Variants in APBB2 observed in about 807,000 individuals in gnomAD.
APBB2 encodes the protein Fe65-like 1.
A neutral mutation model predicts 82.5 loss-of-function variants in APBB2; 38 were observed. The ratio of observed to expected loss-of-function variants is 0.46; its 90% CI spans 0.36 to 0.60. The LOEUF is 0.60. Ranked by LOEUF, APBB2 falls within the 20% of genes least tolerant of loss-of-function variation. The pLI is 0.00. For missense variants in APBB2, 772 were observed against 972.3 expected, an observed-to-expected ratio of 0.79 and a Z score of 2.74; for synonymous variants, 341 against 368.2, an observed-to-expected ratio of 0.93 and a Z score of 0.85.
chr4:41,089,778 A>T (rs1396112), intron 3 of APBB2, among the ~76,000 whole-genome samples: 44,654 of 152,034 alleles, frequency 0.29, 7,325 homozygotes, highest in African/African-American at 0.44. Flanking sequence ...TTAAGAGATA[A>T]TACTGCAGGG....
intron 2 of APBB2, among the ~76,000 whole-genome samples, chr4:41,113,216 T>A (rs1318924161): frequency 6.6e-6 from 1 of 152,222 alleles, no homozygotes; most frequent in African/African-American, 2.4e-5. Context: ...TCTGAATTTA[T>A]ATGGACTTCC....
Position 41,066,093 on chromosome 4 carries a change from A to T in APBB2, c.-148-420T>A, listed in dbSNP as rs183708376. ...AACTTTAAAAGCTTGAAATGAGGAA[A>T]TTTTTTTTTCTGTATTGGAGAGGTT... On this transcript the variant is annotated intron_variant, in intron 3 of 17. Transcript: ENST00000508593. Among the ~76,000 whole-genome samples the T allele has an allele frequency of 1.2e-4, 13 of 108,620 alleles. No individual in the cohort carries two copies. In the South Asian group the frequency reaches 2.9e-3, roughly 24 times the overall value. 71.3% of individuals were successfully genotyped at this position (108,620 alleles called of 152,430 possible).
intron 2 of APBB2, among the ~76,000 whole-genome samples, chr4:41,133,783 C>A (rs970967332): frequency 6.6e-6 from 1 of 152,152 alleles, no homozygotes; most frequent in African/African-American, 2.4e-5. Flanking sequence ...AGCTCCCAAA[C>A]AAGGAGTGCA....
intron 10 of APBB2, among the ~76,000 whole-genome samples, chr4:40,921,975 G>A (rs528241375): frequency 9.3e-4 from 141 of 152,298 alleles, no homozygotes; most frequent in African/African-American, 3.3e-3. Flanking sequence ...GGATCGAAAG[G>A]GACACATATC....
rs186708148 is a variant in APBB2, at chr4:40,936,764, G to A, written c.1045-1625C>T. On this transcript the variant is annotated intron_variant, in intron 7 of 17. Coordinates refer to ENST00000508593, the MANE Select transcript of APBB2 (RefSeq NM_004307.2). ...TTAATGAATAAAGGGCAGGAATGTT[G>A]CCCAATCCCTTACCTTTCCCCTCAC... Among the ~76,000 whole-genome samples the A allele has an allele frequency of 2.1e-3, 315 of 152,224 alleles. 4 individuals are homozygous for A. Among genetic ancestry groups the A allele is most frequent in the Non-Finnish European group, 1.2e-3 (81 of 68,014 alleles).
intron 5 of APBB2, among the ~76,000 whole-genome samples, chr4:41,030,819 C>T (rs1279207556): frequency 6.6e-6 from 1 of 152,054 alleles, no homozygotes; most frequent in African/African-American, 2.4e-5. Flanking sequence ...TAACAGGATC[C>T]TTAAAATAGG....
intron 2 of APBB2, among the ~76,000 whole-genome samples, chr4:41,102,898 C>T (rs945688323): frequency 2.0e-5 from 3 of 152,204 alleles, no homozygotes; most frequent in African/African-American, 7.2e-5. Flanking sequence ...TAATGTGTCA[C>T]TGATAGTTTT....
chr4:40,973,978 AG>A (rs1263332566), intron 6 of APBB2, among the ~76,000 whole-genome samples: 2 of 151,354 alleles, frequency 1.3e-5, no homozygotes, highest in Admixed American at 6.6e-5. Context: ...CAGCCTTCCG[AG>A]TAGCTGGGAT....
chr4:41,115,073 T>C (rs1045872132), intron 2 of APBB2, among the ~76,000 whole-genome samples: 2 of 152,140 alleles, frequency 1.3e-5, no homozygotes, highest in Non-Finnish European at 2.9e-5. Flanking sequence ...CTTCAAACTA[T>C]ACTACAAGGC....
chr4:40,889,953 G>A (rs983834727), intron 12 of APBB2, among the ~76,000 whole-genome samples: 5 of 152,256 alleles, frequency 3.3e-5, no homozygotes, highest in Admixed American at 1.3e-4. Context: ...CCTCAAGTAA[G>A]CCCTTGATGA....
intron 1 of APBB2, among the ~76,000 whole-genome samples, chr4:41,178,264 T>C (rs1199557656): frequency 6.6e-6 from 1 of 152,202 alleles, no homozygotes; most frequent in Non-Finnish European, 1.5e-5. Flanking sequence ...TCCAATCCTT[T>C]GTCAATCTAT....
chr4:41,186,992 T>C (rs1182895712), intron 1 of APBB2, among the ~76,000 whole-genome samples: 1 of 152,254 alleles, frequency 6.6e-6, no homozygotes, highest in Non-Finnish European at 1.5e-5. Context: ...CTAAAATTCC[T>C]AGCTTCTGCA....
At chr4:41,057,416 A>G (rs1728213656) in intron 4 of APBB2, among the ~76,000 whole-genome samples, 2 of 152,218 alleles carry the variant, frequency 1.3e-5, no homozygotes, top group African/African-American at 2.4e-5. Flanking sequence ...GCGCTATTGC[A>G]CTCCAGCCTG....
At chr4:41,065,766 T>C (rs1179144251) in intron 3 of APBB2, 93 bp from the exon 4 acceptor site, 2 of 148,774 alleles carry the variant, frequency 1.3e-5, no homozygotes, top group African/African-American at 5.0e-5. Context: ...AAAATGCTAA[T>C]GATGACCACA....
intron 10 of APBB2, among the ~76,000 whole-genome samples, chr4:40,916,952 G>A (rs1377296131): frequency 2.0e-5 from 3 of 152,156 alleles, no homozygotes; most frequent in Admixed American, 1.3e-4. Flanking sequence ...AGCCTACACA[G>A]CCTGCAGGCC....
At chr4:40,906,640 A>G (rs116809441) in intron 10 of APBB2, among the ~76,000 whole-genome samples, 1,854 of 152,220 alleles carry the variant, frequency 0.012, 18 homozygotes, top group Non-Finnish European at 0.018. Flanking sequence ...AACTTAATTT[A>G]GTTCAATTTT....
At chr4:41,033,174 T>C in intron 5 of APBB2, 62 bp downstream of exon 5, 1 of 1,047,640 alleles carries the variant, frequency 9.5e-7, no homozygotes. Flanking sequence ...AAACATTATC[T>C]TTTTTTAAGT....
intron 2 of APBB2, among the ~76,000 whole-genome samples, chr4:41,103,872 G>A (rs1415574960): frequency 6.6e-6 from 1 of 152,174 alleles, no homozygotes; most frequent in Admixed American, 6.5e-5. Flanking sequence ...ACCTCTGAAA[G>A]TGTTTTCTAT....
chr4:40,998,833 A>G (rs183302201), intron 6 of APBB2, among the ~76,000 whole-genome samples: 320 of 152,360 alleles, frequency 2.1e-3, no homozygotes, highest in Middle Eastern at 6.8e-3. Flanking sequence ...GGAAACAGAG[A>G]CAGACGGCTA....
Sources: gnomAD v4.1 joint callset for allele counts (sites outside exome capture counted in the v4.1 genomes callset) on GRCh38, gnomAD v4.1.1 for gene constraint, MANE v1.5 for transcripts, NCBI Gene and HGNC (gene_info 2026-07-23, HGNC 2026-07-21) for gene names.